MAEL: variants seen among roughly 807,000 people sequenced by gnomAD.
MAEL encodes maelstrom spermatogenic transposon silencer, also known as protein maelstrom homolog.
A neutral mutation model predicts 62.0 loss-of-function variants in MAEL; 46 were observed. That is an observed-to-expected ratio of 0.74 (90% confidence interval 0.59 to 0.95). The LOEUF (loss-of-function observed/expected upper bound fraction) is 0.95. Ranked by LOEUF, MAEL falls within the 40% of genes least tolerant of loss-of-function variation. MAEL has a pLI of 0.00. For synonymous variants in MAEL, 172 were observed against 175.5 expected (o/e 0.98, Z 0.16); for missense variants, 497 against 526.8 (o/e 0.94, Z 0.55).
At chr1:166,981,743 T>C (rs1420924430) in intron 1 of MAEL, among the ~76,000 whole-genome samples, 1 of 151,954 alleles carries the variant, frequency 6.6e-6, no homozygotes, top group African/African-American at 2.4e-5. Flanking sequence ...GAGGTGAGAA[T>C]AGGAACTGCT....
At chr1:167,020,920 C>T (rs1665600496) in intron 10 of MAEL, among the ~76,000 whole-genome samples, 165 bp from the exon 11 acceptor site, 1 of 152,076 alleles carries the variant, frequency 6.6e-6, no homozygotes, top group Admixed American at 6.6e-5. Context: ...CCTCCAAAGT[C>T]TATCCTATTT....
chr1:167,021,287 A>G (rs1665619650), intron 11 of MAEL, 127 bp downstream of exon 11: 2 of 713,084 alleles, frequency 2.8e-6, no homozygotes, highest in Non-Finnish European at 4.7e-6. Context: ...TGTTGAATTG[A>G]GGGTTTTATT....
chr1:167,016,337 C>T (rs570182184), intron 9 of MAEL, 53 bp downstream of exon 9: 13 of 1,559,866 alleles, frequency 8.3e-6, no homozygotes, highest in East Asian at 2.2e-5. Context: ...TTAAATTATT[C>T]TGTGCCGTTT....
rs1235861479 is a variant in MAEL at position 167,021,847 on chromosome 1, TTATCTTAATG to T, written c.1298_*2del. On this transcript the variant is annotated stop_lost and 3_prime_UTR_variant, in exon 12 of 12. Transcript: ENST00000367872. ...AGATGGATACAAATCTTTCTCTTCC[TTATCTTAATG>T]ATGGTACTCTTTTCAATTTCTGAAA... 1.2e-6 allele frequency: 2 copies of T among 1,603,042 alleles called. No homozygotes were observed. Among genetic ancestry groups the T allele is most frequent in the Admixed American group, 3.4e-5 (2 of 58,788 alleles).
intron 5 of MAEL, among the ~76,000 whole-genome samples, chr1:166,996,653 T>C (rs1157126251): frequency 5.3e-5 from 8 of 152,236 alleles, no homozygotes; most frequent in Admixed American, 2.6e-4. Flanking sequence ...TCCCTCTTTA[T>C]GAGAAAATTA....
intron 1 of MAEL, among the ~76,000 whole-genome samples, chr1:166,976,273 G>GT (rs1557965463): frequency 6.6e-6 from 1 of 152,172 alleles, no homozygotes; most frequent in Non-Finnish European, 1.5e-5. Context: ...GTCTCAAAAT[G>GT]TATGTGTTGA....
At chr1:167,019,872 C>G (rs779480629) in intron 10 of MAEL, among the ~76,000 whole-genome samples, 6 of 151,840 alleles carry the variant, frequency 4.0e-5, no homozygotes, top group Admixed American at 6.6e-5. Context: ...GTTTTTCCAT[C>G]AGAATTATTT....
chr1:166,989,339 T>C lies in MAEL; in HGVS notation c.-14T>C, dbSNP rs755149922. 1 of 1,606,388 alleles carries C rather than the reference T, an allele frequency of 6.2e-7. No individual in the cohort carries two copies. On this transcript the variant is annotated 5_prime_UTR_variant, in exon 1 of 12. Transcript: ENST00000367872. ...TTTGTTCTGTCTGAGGCCAGGAAGT[T>C]TGACCGCGCTGCCATGCCGAACCGT...
At chr1:167,012,590 A>T (rs1009169637) in intron 8 of MAEL, 2 of 152,234 alleles carry the variant, frequency 1.3e-5, no homozygotes, top group African/African-American at 4.8e-5. Flanking sequence ...CATAATAAAG[A>T]AAATGGTAAT....
intron 10 of MAEL, among the ~76,000 whole-genome samples, chr1:167,020,418 G>T (rs570329892): frequency 2.0e-5 from 3 of 152,214 alleles, no homozygotes; most frequent in African/African-American, 7.2e-5. Context: ...CACGCTGACC[G>T]ATCTTACTGA....
intron 1 of MAEL, among the ~76,000 whole-genome samples, chr1:166,981,477 G>A (rs1415027067): frequency 6.6e-6 from 1 of 151,962 alleles, no homozygotes; most frequent in African/African-American, 2.4e-5. Flanking sequence ...CATTTGAGTT[G>A]TCTCCATGTG....
chr1:167,004,354 A>G lies in MAEL; in HGVS notation c.648+50A>G, dbSNP rs745518648. ...TTAAGGTATCAATTTATAGTACCAA[A>G]AGATCCATAAAACAAAGAATTTTTG... On this transcript the variant is annotated intron_variant, in intron 6 of 11. Transcript: ENST00000367872. The G allele has an allele frequency of 3.3e-6, 5 of 1,504,308 alleles. No homozygotes were observed. The East Asian group carries it at 1.2e-4, about 35-fold the overall frequency. 93.2% of individuals were successfully genotyped at this position (1,504,308 alleles called of 1,614,324 possible).
intron 5 of MAEL, among the ~76,000 whole-genome samples, chr1:167,001,483 A>T (rs1664663933): frequency 6.6e-6 from 1 of 152,220 alleles, no homozygotes; most frequent in Non-Finnish European, 1.5e-5. Context: ...TCAGGTGATC[A>T]TTCGTATTTT....
intron 5 of MAEL, among the ~76,000 whole-genome samples, chr1:166,995,554 T>C (rs184580887): frequency 1.2e-4 from 18 of 152,240 alleles, no homozygotes; most frequent in South Asian, 4.1e-4. Context: ...TTCCTTCTTA[T>C]ATAGCTTTGA....
chr1:166,997,973 G>A (rs1192216302), intron 5 of MAEL, among the ~76,000 whole-genome samples: 3 of 152,140 alleles, frequency 2.0e-5, no homozygotes, highest in Admixed American at 6.5e-5. Context: ...ACCCCAATAT[G>A]TAGTGCCACC....
chr1:166,985,484 G>C (rs557507444), upstream of MAEL, among the ~76,000 whole-genome samples: 7 of 152,270 alleles, frequency 4.6e-5, no homozygotes, highest in South Asian at 1.2e-3. Flanking sequence ...ACTAGAAATA[G>C]TTTATATTCC....
intron 5 of MAEL, among the ~76,000 whole-genome samples, chr1:167,001,953 G>T (rs1664689690): frequency 6.6e-6 from 1 of 152,054 alleles, no homozygotes; most frequent in African/African-American, 2.4e-5. Context: ...GCTAATTTTT[G>T]TATTTTTATT....
At position 166,996,437 on chromosome 1, in the gene MAEL, ACAT is replaced by A. The variant is rs568933796; in HGVS notation, c.523+2371_523+2373del. Among the ~76,000 whole-genome samples the A allele has an allele frequency of 2.0e-5, 3 of 152,240 alleles. No homozygotes were observed. The South Asian group carries it at 6.2e-4, about 31-fold the overall frequency. Reference sequence around the variant, plus strand: ...TTCTTGAGAGAAATTCTGCTTTAAAACATCAAAATTTTGAAAATTGCTTTCAGC... The same window carrying A: ...TTCTTGAGAGAAATTCTGCTTTAAAACAAAATTTTGAAAATTGCTTTCAGC... On this transcript the variant is annotated intron_variant, in intron 5 of 11. Transcript: ENST00000367872.
At chr1:166,989,700 G>A (rs41269702) in intron 1 of MAEL, 37 bp from the exon 2 acceptor site, 3 of 1,595,086 alleles carry the variant, frequency 1.9e-6, no homozygotes, top group East Asian at 2.2e-5. Context: ...GGATCCTCAC[G>A]GCTGTTTCTC....
Sources: allele counts gnomAD v4.1 joint callset (sites outside exome capture counted in the v4.1 genomes callset), GRCh38; gene constraint gnomAD v4.1.1; transcripts MANE v1.5; gene names NCBI Gene and HGNC (gene_info 2026-07-23, HGNC 2026-07-21).